Variants in F11 observed in about 807,000 individuals in gnomAD.
The protein encoded by F11 is coagualtion factor XI.
In F11, 78 loss-of-function variants were observed where a neutral mutation model predicts 76.5. The ratio of observed to expected loss-of-function variants is 1.02; its 90% CI spans 0.85 to 1.23. F11 has a LOEUF of 1.23. Ranked by LOEUF, F11 falls within the 50% of genes most tolerant of loss-of-function variation. F11 has a pLI of 0.00. For missense variants in F11, 742 were observed against 771.4 expected, an observed-to-expected ratio of 0.96 and a Z score of 0.45; for synonymous variants, 278 against 276.3, an observed-to-expected ratio of 1.01 and a Z score of -0.06.
chr4:186,282,587 A>G (rs947187744), intron 10 of F11: 71 of 985,312 alleles, frequency 7.2e-5, no homozygotes, highest in Non-Finnish European at 8.2e-5. Context: ...GAAACAGCAT[A>G]GGATGAACCT....
intron 10 of F11, chr4:186,282,492 A>G: frequency 1.0e-6 from 1 of 985,394 alleles, no homozygotes; most frequent in African/African-American, 1.7e-5. Flanking sequence ...CTTTCTGAAG[A>G]TAGATAGCAG....
rs985461826 is a variant in F11, at chr4:186,275,106, G to A, written c.486-681G>A. 11 of 453,294 alleles carry A rather than the reference G, an allele frequency of 2.4e-5. No individual in the cohort carries two copies. In the East Asian group the frequency reaches 4.2e-4, roughly 17 times the overall value. 28.1% of individuals were successfully genotyped at this position (453,294 alleles called of 1,614,324 possible). On this transcript the variant is annotated intron_variant, in intron 5 of 14. Coordinates refer to ENST00000403665, the MANE Select transcript of F11 (RefSeq NM_000128.4). ...GGCTTATCTTTAGCTCAGCTCAGAC[G>A]ACAGCTTTTATGTCTAAGACTTAAC...
intron 11 of F11, among the ~76,000 whole-genome samples, chr4:186,285,263 A>C (rs765455327): frequency 3.3e-5 from 5 of 152,104 alleles, no homozygotes; most frequent in Non-Finnish European, 5.9e-5. Flanking sequence ...GAGTAGCAGA[A>C]AGCCTAGTTT....
At position 186,284,176 on chromosome 4, in the gene F11, C is replaced by G; in HGVS notation, c.1220C>G (p.Thr407Arg). 1 of 1,614,240 alleles carries G rather than the reference C, an allele frequency of 6.2e-7. No homozygotes were observed. Among genetic ancestry groups the G allele is most frequent in the Non-Finnish European group, 8.5e-7 (1 of 1,180,048 alleles). ...GEWPWQVTLH[T>R]TSPTQRHLCG... is the part of the protein sequence containing the mutation. ...TGGCCGTGGCAGGTGACCCTGCACACAACCTCACCCACTCAGAGACACCTG... is the reference window on the plus strand; with the variant it reads ...TGGCCGTGGCAGGTGACCCTGCACAGAACCTCACCCACTCAGAGACACCTG... The change falls in exon 11 of 15, where the codon ACA (threonine) becomes AGA (arginine). Residue 407 changes from threonine to arginine, a missense_variant. By Grantham distance (71) the Thr-to-Arg change is moderately conservative. Transcript: ENST00000403665.
At position 186,274,222 on chromosome 4, in the gene F11, C is replaced by T; in HGVS notation, c.432C>T (p.Val144=). The T allele has an allele frequency of 6.2e-7, 1 of 1,614,246 alleles. No individual in the cohort carries two copies. Residue 144 remains valine (V), a synonymous_variant, in exon 5 of 15, where the codon GTC becomes GTT. Transcript: ENST00000403665. ...GCCAAGAAAGATGCACGGATGACGT[C>T]CACTGCCACTTTTTCACGTACGCCA... The part of the protein sequence containing the change: ...QECQERCTDD[V]HCHFFTYATR...
At chr4:186,286,175 C>T (rs951304450) in intron 12 of F11, 7 of 533,488 alleles carry the variant, frequency 1.3e-5, no homozygotes, top group African/African-American at 1.9e-5. Flanking sequence ...TGTGCAGGAT[C>T]AAAGTGAGTT....
chr4:186,270,984 G>T (rs989493460), intron 2 of F11, among the ~76,000 whole-genome samples: 1 of 151,492 alleles, frequency 6.6e-6, no homozygotes, highest in Non-Finnish European at 1.5e-5. Flanking sequence ...GGGATTACAC[G>T]CATGAGCCAC....
intron 2 of F11, among the ~76,000 whole-genome samples, chr4:186,270,661 A>ACG (rs1225868651): frequency 6.6e-6 from 1 of 151,840 alleles, no homozygotes; most frequent in Non-Finnish European, 1.5e-5. Context: ...ACACACACAC[A>ACG]CACACACAGA....
At chr4:186,286,582 A>T in intron 13 of F11, 72 bp downstream of exon 13, 10 of 1,598,696 alleles carry the variant, frequency 6.3e-6, no homozygotes, top group Admixed American at 1.7e-5. Context: ...CTGTCAAGTC[A>T]TGTAGCTGAA....
At chr4:186,266,985 A>AAT (rs916719858) in intron 1 of F11, 151 bp from the exon 2 acceptor site, 2 of 449,826 alleles carry the variant, frequency 4.4e-6, no homozygotes, top group Admixed American at 7.2e-5. Context: ...AGGATTGGGA[A>AAT]AGAAAATTCA....
At chr4:186,266,924 G>T (rs1739546064) in intron 1 of F11, among the ~76,000 whole-genome samples, 1 of 152,054 alleles carries the variant, frequency 6.6e-6, no homozygotes, top group Admixed American at 6.5e-5. Context: ...TCCGGCTTCT[G>T]CAGAGCTGTA....
chr4:186,288,957 G>T lies in F11; in HGVS notation c.*343G>T. ...CAGTGGGGATCAGGCAGAAGAACTG[G>T]TAAAAGAAGCCACCATAAATAGATT... On this transcript the variant is annotated 3_prime_UTR_variant, in exon 15 of 15. Coordinates refer to ENST00000403665, the MANE Select transcript of F11 (RefSeq NM_000128.4). The T allele has an allele frequency of 3.1e-6, 1 of 320,396 alleles. No individual in the cohort carries two copies. The highest frequency in any genetic ancestry group is 2.8e-5 in the South Asian group (1 of 35,090). 19.8% of individuals were successfully genotyped at this position (320,396 alleles called of 1,614,324 possible).
At chr4:186,286,130 G>A in intron 12 of F11, 1 of 518,592 alleles carries the variant, frequency 1.9e-6, no homozygotes, top group Non-Finnish European at 3.4e-6. Context: ...ATAATTTAGG[G>A]ATGAAGGATT....
Position 186,287,807 on chromosome 4 carries a change from G to A in F11, c.1700G>A (p.Gly567Glu). ...KMICAGYREG[G>E]KDACKGDSGG... ...ATCTGTGCCGGCTACAGGGAAGGAG[G>A]GAAGGACGCTTGCAAGGTAACAGAG... Residue 567 changes from glycine to glutamate, a missense_variant, in exon 14 of 15, where the codon GGG (glycine) becomes GAG (glutamate). Transcript: ENST00000403665. 2 of 1,612,962 alleles carry A rather than the reference G, an allele frequency of 1.2e-6. No individual in the cohort carries two copies. The highest frequency in any genetic ancestry group is 1.7e-6 in the Non-Finnish European group (2 of 1,179,336).
intron 10 of F11, chr4:186,282,606 C>T: frequency 1.0e-6 from 1 of 985,124 alleles, no homozygotes; most frequent in Non-Finnish European, 1.2e-6. Context: ...CTCAAGGCCT[C>T]TCACCTGGAC....
rs281875244 is a variant in F11 at position 186,271,741 on chromosome 4, C to A, written c.188C>A (p.Ala63Glu). 6.2e-7 allele frequency: 1 copy of A among 1,614,140 alleles called. No individual in the cohort carries two copies. The highest frequency in any genetic ancestry group is 8.5e-7 in the Non-Finnish European group (1 of 1,180,016). Residue 63 changes from alanine to glutamate, a missense_variant, in exon 3 of 15, where the codon GCG (alanine) becomes GAG (glutamate). Ala to Glu is a moderately radical substitution (Grantham distance 107). Transcript: ENST00000403665. Reference sequence around the variant, plus strand: ...AGATGTTTACTCTTCACTTTCACGGCGGAATCACCATCTGAGGATCCCACC... The same window carrying A: ...AGATGTTTACTCTTCACTTTCACGGAGGAATCACCATCTGAGGATCCCACC... ...HPRCLLFTFT[A>E]ESPSEDPTRW...
At chr4:186,287,073 A>G (rs1741258529) in intron 13 of F11, among the ~76,000 whole-genome samples, 1 of 151,900 alleles carries the variant, frequency 6.6e-6, no homozygotes, top group Non-Finnish European at 1.5e-5. Flanking sequence ...TCCCGGGTTC[A>G]AGTGATTCTC....
chr4:186,276,507 G>T (rs1030979898), intron 7 of F11, 117 bp downstream of exon 7: 1 of 1,189,356 alleles, frequency 8.4e-7, no homozygotes, highest in Non-Finnish European at 1.2e-6. Flanking sequence ...TAGGATAAAA[G>T]TTGCAAAGAA....
At chr4:186,276,004 G>A (rs545217614) in intron 6 of F11, 108 bp downstream of exon 6, 71 of 1,007,214 alleles carry the variant, frequency 7.0e-5, no homozygotes, top group Non-Finnish European at 9.7e-5. Flanking sequence ...CGGACCCAAA[G>A]ATCTTTACCT....
Sources: gnomAD v4.1 joint callset for allele counts (sites outside exome capture counted in the v4.1 genomes callset) on GRCh38, gnomAD v4.1.1 for gene constraint, MANE v1.5 for transcripts, NCBI Gene and HGNC (gene_info 2026-07-23, HGNC 2026-07-21) for gene names.